FGF14: variants seen among roughly 807,000 people sequenced by gnomAD.
FGF14 encodes the protein fibroblast growth factor 14, also known as fibroblast growth factor homologous factor 4.
A neutral mutation model predicts 25.5 loss-of-function variants in FGF14; 5 were observed. The observed-to-expected ratio is 0.20, with a 90% CI of 0.10 to 0.41. The LOEUF (loss-of-function observed/expected upper bound fraction) is 0.41. Ranked by LOEUF, FGF14 falls within the 10% of genes least tolerant of loss-of-function variation. FGF14 has a pLI of 1.00. For missense variants in FGF14, 222 were observed against 320.1 expected (o/e 0.69, Z 2.34); for synonymous variants, 138 against 118.3 (o/e 1.17, Z -1.08).
intron 3 of FGF14, among the ~76,000 whole-genome samples, chr13:101,773,982 T>C (rs1290382505): frequency 6.6e-6 from 1 of 151,542 alleles, no homozygotes; most frequent in African/African-American, 2.4e-5. Flanking sequence ...TTAAATCAAT[T>C]ATTAAGGTAA....
intron 1 of FGF14, among the ~76,000 whole-genome samples, chr13:102,331,578 CT>C (rs1339440619): frequency 1.3e-5 from 2 of 152,182 alleles, no homozygotes; most frequent in African/African-American, 4.8e-5. Context: ...TAACTTCACT[CT>C]TCCTTTGAAC....
chr13:101,918,874 T>A (rs1045732990), upstream of FGF14, among the ~76,000 whole-genome samples: 3 of 152,250 alleles, frequency 2.0e-5, no homozygotes, highest in Non-Finnish European at 4.4e-5. Flanking sequence ...CTTTGCTATG[T>A]TACATCTACA....
Position 102,241,505 on chromosome 13 carries a change from T to C in FGF14, c.208+159966A>G, listed in dbSNP as rs373370936. ...GCAATAAAGTTATAAGATGAAGATT[T>C]CTTTGTTGAATATCAGTCAAAAGAA... On this transcript the variant is annotated intron_variant, in intron 1 of 4. Coordinates refer to the FGF14 transcript ENST00000376131. 1.9e-4 allele frequency among the ~76,000 whole-genome samples: 29 copies of C among 152,248 alleles called. 1 individual carries two copies. In the East Asian group the frequency reaches 4.6e-3, roughly 24 times the overall value.
At chr13:102,042,589 GAATA>G (rs1231508083) in intron 1 of FGF14, among the ~76,000 whole-genome samples, 2 of 152,152 alleles carry the variant, frequency 1.3e-5, no homozygotes, top group Admixed American at 6.6e-5. Flanking sequence ...TAGAATGAAT[GAATA>G]AACAAGTGAA....
At chr13:101,814,850 A>G (rs973953889) in intron 3 of FGF14, among the ~76,000 whole-genome samples, 11 of 152,234 alleles carry the variant, frequency 7.2e-5, no homozygotes, top group African/African-American at 1.7e-4. Context: ...TAATAGAGCC[A>G]TAAACATTTT....
intron 1 of FGF14, among the ~76,000 whole-genome samples, chr13:101,968,184 A>G (rs1235809274): frequency 6.6e-6 from 1 of 152,260 alleles, no homozygotes; most frequent in Non-Finnish European, 1.5e-5. Context: ...CTTGTCTAAG[A>G]AATGAAGATA....
chr13:102,351,852 TCTG>T (rs1329894679), intron 1 of FGF14, among the ~76,000 whole-genome samples: 1 of 152,214 alleles, frequency 6.6e-6, no homozygotes, highest in Non-Finnish European at 1.5e-5. Flanking sequence ...TTCAGTTGCC[TCTG>T]CTTTTTTCTT....
chr13:101,894,707 T>C (rs2030360544), intron 1 of FGF14, among the ~76,000 whole-genome samples: 2 of 152,174 alleles, frequency 1.3e-5, no homozygotes, highest in Admixed American at 1.3e-4. Flanking sequence ...CTATCATGGT[T>C]TGGGACATAT....
intron 1 of FGF14, among the ~76,000 whole-genome samples, chr13:101,996,821 G>A (rs188795468): frequency 8.0e-4 from 122 of 152,276 alleles, no homozygotes; most frequent in African/African-American, 2.7e-3. Flanking sequence ...AATTACTGCT[G>A]CATGGAACAA....
chr13:102,397,238 CGT>C (rs1199198797), intron 1 of FGF14, among the ~76,000 whole-genome samples: 3 of 152,022 alleles, frequency 2.0e-5, no homozygotes. Flanking sequence ...TTTAAAAAAA[CGT>C]ATATTTAAAT....
chr13:101,841,317 G>A (rs529312209), intron 3 of FGF14, among the ~76,000 whole-genome samples: 106 of 151,956 alleles, frequency 7.0e-4, no homozygotes, highest in Non-Finnish European at 9.0e-4. Flanking sequence ...ACTGGCCACC[G>A]ATTGAACTGA....
Position 102,192,128 on chromosome 13 carries a change from T to C in FGF14, c.208+209343A>G, listed in dbSNP as rs1007271055. On this transcript the variant is annotated intron_variant, in intron 1 of 4. Transcript: ENST00000376131. ...ATATGGCCTATTGAAACTGAGGCAA[T>C]GGTCCCACCCTTTGCCACAAAGGAC... Among the ~76,000 whole-genome samples the C allele has an allele frequency of 3.3e-5, 5 of 152,192 alleles. No homozygotes were observed. In the East Asian group the frequency reaches 9.6e-4, roughly 29 times the overall value.
chr13:101,918,769 A>G (rs551859687), upstream of FGF14, among the ~76,000 whole-genome samples: 74 of 152,326 alleles, frequency 4.9e-4, no homozygotes, highest in African/African-American at 1.7e-3. Flanking sequence ...ACCTGATGAG[A>G]GTGTGTAGAT....
At chr13:102,285,908 T>C (rs1044687776) in intron 1 of FGF14, among the ~76,000 whole-genome samples, 4 of 152,058 alleles carry the variant, frequency 2.6e-5, no homozygotes, top group African/African-American at 9.7e-5. Flanking sequence ...GCAGAGATCG[T>C]AGTACAAGAT....
intron 3 of FGF14, among the ~76,000 whole-genome samples, chr13:101,792,180 T>C (rs1045932161): frequency 6.6e-6 from 1 of 152,070 alleles, no homozygotes; most frequent in African/African-American, 2.4e-5. Context: ...AAAAACAAAA[T>C]TGGCAAGAGT....
intron 1 of FGF14, among the ~76,000 whole-genome samples, chr13:102,123,266 C>T (rs502094): frequency 0.68 from 103,193 of 151,904 alleles, 36,546 homozygotes; most frequent in East Asian, 0.9. Context: ...TCCTACTAGA[C>T]TGAGAAGAAG....
intron 1 of FGF14, among the ~76,000 whole-genome samples, chr13:101,937,475 G>T (rs1381665702): frequency 6.6e-6 from 1 of 152,214 alleles, no homozygotes; most frequent in Non-Finnish European, 1.5e-5. Flanking sequence ...AAGATGCAGT[G>T]AGAAGGTGGC....
chr13:101,784,069 C>G (rs1377939758), intron 3 of FGF14, among the ~76,000 whole-genome samples: 1 of 152,128 alleles, frequency 6.6e-6, no homozygotes, highest in African/African-American at 2.4e-5. Flanking sequence ...TGTACCAAAG[C>G]CATGCTGTTT....
intron 1 of FGF14, among the ~76,000 whole-genome samples, chr13:102,109,524 T>C (rs2045109477): frequency 6.6e-6 from 1 of 152,204 alleles, no homozygotes; most frequent in Non-Finnish European, 1.5e-5. Flanking sequence ...ATACCATAAA[T>C]ATATACAATT....
Sources: allele counts gnomAD v4.1 joint callset (sites outside exome capture counted in the v4.1 genomes callset), GRCh38; gene constraint gnomAD v4.1.1; transcripts MANE v1.5; gene names NCBI Gene and HGNC (gene_info 2026-07-23, HGNC 2026-07-21).